Variants in SRGAP3 observed in about 807,000 individuals in gnomAD.
The protein encoded by SRGAP3 is SLIT-ROBO Rho GTPase-activating protein 3.
A neutral mutation model predicts 121.1 loss-of-function variants in SRGAP3; 39 were observed. The observed-to-expected ratio is 0.32, with a 90% CI of 0.25 to 0.42. SRGAP3 has a LOEUF of 0.42. SRGAP3 is among the 10% of genes least tolerant of loss of function. The pLI, the probability that SRGAP3 is intolerant of heterozygous loss-of-function variation, is 1.00. For missense variants in SRGAP3, 1,213 were observed against 1,470.6 expected, an observed-to-expected ratio of 0.82 and a Z score of 2.86; for synonymous variants, 601 against 570.0, an observed-to-expected ratio of 1.05 and a Z score of -0.77.
intron 14 of SRGAP3, 73 bp downstream of exon 14, chr3:9,025,188 G>A: frequency 6.6e-7 from 1 of 1,521,968 alleles, no homozygotes; most frequent in Non-Finnish European, 9.1e-7. Flanking sequence ...CACACCACTG[G>A]CTCTGAGACA....
At chr3:9,245,974 T>TA (rs1376371712) in intron 1 of SRGAP3, among the ~76,000 whole-genome samples, 1 of 152,100 alleles carries the variant, frequency 6.6e-6, no homozygotes, top group Non-Finnish European at 1.5e-5. Context: ...CCAAAGATGA[T>TA]AGACTACGTG....
chr3:9,015,495 T>G lies in SRGAP3; in HGVS notation c.1813+102A>C, dbSNP rs186381799. ...GAGGATGCACGTCACACTTCGCCTT[T>G]CATAATGTCCCTCCTCTATGCCTAG... On this transcript the variant is annotated intron_variant, in intron 15 of 21. Transcript: ENST00000383836. 8.8e-5 allele frequency: 132 copies of G among 1,498,440 alleles called. 1 individual carries two copies. In the East Asian group the frequency reaches 2.6e-3, roughly 30 times the overall value. The allele number at this position is 1,498,440 out of a possible 1,614,324, so 92.8% of individuals were successfully genotyped here.
chr3:9,144,315 CTATCT>C (rs1456342485), intron 1 of SRGAP3, among the ~76,000 whole-genome samples: 1 of 152,232 alleles, frequency 6.6e-6, no homozygotes, highest in African/African-American at 2.4e-5. Flanking sequence ...TCTTTGTGCC[CTATCT>C]TTCAGTCCCC....
At chr3:9,084,308 C>T (rs923805709) in intron 3 of SRGAP3, among the ~76,000 whole-genome samples, 3 of 152,110 alleles carry the variant, frequency 2.0e-5, no homozygotes, top group African/African-American at 7.2e-5. Flanking sequence ...CAACTCAAGA[C>T]GGTGGATTCT....
At chr3:9,061,001 G>A (rs1292935913) in intron 5 of SRGAP3, among the ~76,000 whole-genome samples, 1 of 152,216 alleles carries the variant, frequency 6.6e-6, no homozygotes, top group African/African-American at 2.4e-5. Context: ...GGAGGCTGAG[G>A]CAGGCATATC....
intron 3 of SRGAP3, among the ~76,000 whole-genome samples, chr3:9,306,695 T>C (rs1216249065): frequency 6.6e-6 from 1 of 152,192 alleles, no homozygotes; most frequent in East Asian, 1.9e-4. Flanking sequence ...TTTCTTGTTT[T>C]TGTCAGGTTT....
intron 3 of SRGAP3, among the ~76,000 whole-genome samples, chr3:9,279,609 G>GT (rs1416655656): frequency 6.6e-6 from 1 of 150,970 alleles, no homozygotes; most frequent in African/African-American, 2.4e-5. Flanking sequence ...AACCTCCCGG[G>GT]TTCAAGCAAT....
chr3:9,113,023 G>C (rs540277547), intron 2 of SRGAP3, among the ~76,000 whole-genome samples: 1 of 152,220 alleles, frequency 6.6e-6, no homozygotes, highest in Non-Finnish European at 1.5e-5. Flanking sequence ...TCATGGGCAC[G>C]GGCATCATCT....
At chr3:9,079,070 T>C (rs1947117121) in intron 4 of SRGAP3, among the ~76,000 whole-genome samples, 1 of 152,074 alleles carries the variant, frequency 6.6e-6, no homozygotes, top group Non-Finnish European at 1.5e-5. Flanking sequence ...AGAAAGATAA[T>C]AAAACCAAAC....
chr3:9,320,939 A>C (rs185796772), intron 3 of SRGAP3, among the ~76,000 whole-genome samples: 1 of 152,014 alleles, frequency 6.6e-6, no homozygotes, highest in East Asian at 1.9e-4. Context: ...CAGTATATGT[A>C]ATATATACAT....
intron 10 of SRGAP3, among the ~76,000 whole-genome samples, chr3:9,046,990 C>A (rs1391931975): frequency 1.3e-5 from 2 of 152,020 alleles, no homozygotes; most frequent in Non-Finnish European, 2.9e-5. Flanking sequence ...GCCACCACGC[C>A]CGGCTAATTT....
chr3:9,114,504 C>T (rs866946030), intron 2 of SRGAP3, among the ~76,000 whole-genome samples: 3 of 152,264 alleles, frequency 2.0e-5, no homozygotes, highest in Admixed American at 6.5e-5. Flanking sequence ...CCTGTGACTC[C>T]CCCTTCATCC....
chr3:9,050,610 T>C (rs961915350), intron 9 of SRGAP3, among the ~76,000 whole-genome samples: 1 of 152,200 alleles, frequency 6.6e-6, no homozygotes, highest in Non-Finnish European at 1.5e-5. Context: ...GTATTAAGAA[T>C]AAACTATAAC....
At chr3:9,177,801 T>C (rs1021083499) in intron 1 of SRGAP3, among the ~76,000 whole-genome samples, 1 of 152,160 alleles carries the variant, frequency 6.6e-6, no homozygotes, top group Non-Finnish European at 1.5e-5. Flanking sequence ...ACTCCTACTC[T>C]AGGGAAGACC....
At position 9,348,808 on chromosome 3, in the gene SRGAP3, A is replaced by G. The variant is rs2029893738; in HGVS notation, n.214+14032T>C. On this transcript the variant is annotated intron_variant and non_coding_transcript_variant, in intron 1 of 3. Transcript: ENST00000490889. ...GGAGGCACTCCTATGATGTCCCACC[A>G]CCTCTAATGGAGCCCGACCATCCTT... 4.4e-6 allele frequency: 6 copies of G among 1,372,216 alleles called. No homozygotes were observed. The Admixed American group carries it at 5.0e-5, about 12-fold the overall frequency. 85.0% of individuals were successfully genotyped at this position (1,372,216 alleles called of 1,614,324 possible). A position where few individuals can be genotyped will look rare whatever the true frequency, so the allele number is the denominator to read the frequency against.
intron 1 of SRGAP3, among the ~76,000 whole-genome samples, chr3:9,167,673 G>T (rs1950838897): frequency 6.6e-6 from 1 of 152,142 alleles, no homozygotes; most frequent in Non-Finnish European, 1.5e-5. Context: ...AGATGTCCAG[G>T]GTGCAACTTC....
intron 1 of SRGAP3, among the ~76,000 whole-genome samples, chr3:9,177,724 G>A (rs527408394): frequency 1.1e-3 from 174 of 152,288 alleles, no homozygotes; most frequent in African/African-American, 3.9e-3. Context: ...CAACACTTGA[G>A]TGTTTCTTTA....
At position 8,980,688 on chromosome 3, in the gene SRGAP3, T is replaced by C. The variant is rs906185976; in HGVS notation, c.*4831A>G. The stretch of plus-strand genomic sequence containing the variant: ...CGACAGAGGATCCAATCAGACACTC[T>C]ATAGGACGGGCGTTTGGTCGTAAGG... On this transcript the variant is annotated 3_prime_UTR_variant, in exon 22 of 22. Transcript: ENST00000383836. 4.3e-6 allele frequency: 1 copy of C among 232,400 alleles called. No individual in the cohort carries two copies. Among genetic ancestry groups the C allele is most frequent in the African/African-American group, 2.2e-5 (1 of 45,370 alleles). The allele number at this position is 232,400 out of a possible 1,614,324, so 14.4% of individuals were successfully genotyped here. A position where few individuals can be genotyped will look rare whatever the true frequency, so the allele number is the denominator to read the frequency against.
At chr3:9,039,732 A>G (rs937763313) in intron 10 of SRGAP3, among the ~76,000 whole-genome samples, 12 of 152,248 alleles carry the variant, frequency 7.9e-5, no homozygotes, top group Non-Finnish European at 1.3e-4. Flanking sequence ...ATGGAATTAT[A>G]CAAGATGTGG....
Sources: gnomAD v4.1 joint callset for allele counts (sites outside exome capture counted in the v4.1 genomes callset) on GRCh38, gnomAD v4.1.1 for gene constraint, MANE v1.5 for transcripts, NCBI Gene and HGNC (gene_info 2026-07-23, HGNC 2026-07-21) for gene names.